The following WWC2 variants were observed in gnomAD, a reference collection of about 807,000 sequenced individuals.
WWC2 encodes protein WWC2.
WWC2 carries 101 observed loss-of-function variants against 138.5 expected under a neutral mutation model. The ratio of observed to expected loss-of-function variants is 0.73; its 90% confidence interval spans 0.62 to 0.86. The LOEUF is 0.86. WWC2 is among the 40% of genes least tolerant of loss of function. The pLI, the probability that WWC2 is intolerant of heterozygous loss-of-function variation, is 0.00. For synonymous variants in WWC2, 558 were observed against 538.4 expected, an observed-to-expected ratio of 1.04 and a Z score of -0.50; for missense variants, 1,420 against 1,419.4, an observed-to-expected ratio of 1.00 and a Z score of -0.01.
chr4:183,193,543 G>T, intron 1 of WWC2, 56 bp from the exon 2 acceptor site: 1 of 1,495,604 alleles, frequency 6.7e-7, no homozygotes, highest in South Asian at 1.2e-5. Context: ...GCTGAATTTT[G>T]ACATATGCGG....
At chr4:183,297,753 G>C (rs1405909134) in intron 21 of WWC2, among the ~76,000 whole-genome samples, 1 of 152,200 alleles carries the variant, frequency 6.6e-6, no homozygotes, top group Non-Finnish European at 1.5e-5. Context: ...AGAGGGTGCA[G>C]CCCAGGGGAG....
intron 2 of WWC2, among the ~76,000 whole-genome samples, chr4:183,195,851 C>T (rs182339057): frequency 2.0e-5 from 3 of 152,166 alleles, no homozygotes; most frequent in South Asian, 2.1e-4. Flanking sequence ...TGAGGGCACC[C>T]GAGACCCCAC....
intron 8 of WWC2, among the ~76,000 whole-genome samples, chr4:183,253,123 G>A (rs961291493): frequency 4.6e-5 from 7 of 152,042 alleles, no homozygotes; most frequent in African/African-American, 4.8e-5. Context: ...TCACATGATC[G>A]TGCTGCTTGT....
At chr4:183,126,072 C>T (rs1275918725) in intron 1 of WWC2, among the ~76,000 whole-genome samples, 1 of 152,164 alleles carries the variant, frequency 6.6e-6, no homozygotes, top group African/African-American at 2.4e-5. Flanking sequence ...GCCTTAGGAC[C>T]CTGGCTCGCC....
chr4:183,110,711 G>A (rs1292076996), intron 1 of WWC2, among the ~76,000 whole-genome samples: 2 of 152,284 alleles, frequency 1.3e-5, no homozygotes, highest in African/African-American at 4.8e-5. Flanking sequence ...TAGACATTGT[G>A]TTATGACAAT....
chr4:183,246,261 C>T (rs1736776501), intron 6 of WWC2, among the ~76,000 whole-genome samples: 1 of 152,104 alleles, frequency 6.6e-6, no homozygotes, highest in Non-Finnish European at 1.5e-5. Context: ...TCCTCTCCTT[C>T]CCTCCATCCC....
intron 21 of WWC2, among the ~76,000 whole-genome samples, chr4:183,304,177 C>G (rs754924753): frequency 6.6e-6 from 1 of 152,096 alleles, no homozygotes; most frequent in African/African-American, 2.4e-5. Flanking sequence ...GGGCAAACTA[C>G]TGCCCCCAGA....
chr4:183,111,499 T>C (rs1050646237), intron 1 of WWC2, among the ~76,000 whole-genome samples: 1 of 152,142 alleles, frequency 6.6e-6, no homozygotes, highest in Non-Finnish European at 1.5e-5. Context: ...TCTTTTTTTT[T>C]CTTTGAAACT....
chr4:183,187,365 C>T (rs1401119356), intron 1 of WWC2, among the ~76,000 whole-genome samples: 1 of 151,118 alleles, frequency 6.6e-6, no homozygotes, highest in Admixed American at 6.6e-5. Context: ...ACCCGCCTGG[C>T]CAACATGGTG....
chr4:183,221,130 T>C (rs1735924590), intron 4 of WWC2, among the ~76,000 whole-genome samples: 1 of 152,160 alleles, frequency 6.6e-6, no homozygotes, highest in African/African-American at 2.4e-5. Flanking sequence ...ATCATGAAAA[T>C]ACAAATCCGA....
At chr4:183,188,269 C>T (rs542012681) in intron 1 of WWC2, among the ~76,000 whole-genome samples, 13 of 152,150 alleles carry the variant, frequency 8.5e-5, no homozygotes, top group Admixed American at 2.0e-4. Context: ...GACAGAGTCT[C>T]GCTGTGTCGC....
chr4:183,205,357 A>G lies in WWC2; in HGVS notation c.242-2596A>G, dbSNP rs556777974. On this transcript the variant is annotated intron_variant, in intron 2 of 22. Coordinates refer to ENST00000403733, the MANE Select transcript of WWC2 (RefSeq NM_024949.6). ...CATCTGCTTACTGGCTATTTGCACA[A>G]TAGTCAGTAGATGTGCAGGTTTATT... Among the ~76,000 whole-genome samples, 13 of 152,318 alleles carry G rather than the reference A, an allele frequency of 8.5e-5. No individual in the cohort carries two copies. In the South Asian group the frequency reaches 2.7e-3, roughly 32 times the overall value.
chr4:183,196,550 C>G (rs35956792), intron 2 of WWC2, among the ~76,000 whole-genome samples: 1 of 152,226 alleles, frequency 6.6e-6, no homozygotes, highest in Non-Finnish European at 1.5e-5. Flanking sequence ...CCACATCTGT[C>G]TAAGTCTTTC....
At chr4:183,174,576 T>C (rs1734401787) in intron 1 of WWC2, among the ~76,000 whole-genome samples, 1 of 152,208 alleles carries the variant, frequency 6.6e-6, no homozygotes, top group African/African-American at 2.4e-5. Context: ...CTAGAGGGAA[T>C]GTAGGTAAGC....
intron 1 of WWC2, among the ~76,000 whole-genome samples, chr4:183,106,243 CA>C (rs1187026012): frequency 1.3e-5 from 2 of 152,062 alleles, no homozygotes; most frequent in Non-Finnish European, 2.9e-5. Flanking sequence ...CTCAGCCTCC[CA>C]AAATGCTGGG....
intron 1 of WWC2, among the ~76,000 whole-genome samples, chr4:183,182,241 G>T (rs1734652792): frequency 6.6e-6 from 1 of 152,158 alleles, no homozygotes; most frequent in Non-Finnish European, 1.5e-5. Flanking sequence ...GGTGTGCCAT[G>T]TGTCATTTCT....
chr4:183,245,224 C>CT (rs1465025095), intron 5 of WWC2, among the ~76,000 whole-genome samples, 192 bp from the exon 6 acceptor site: 1 of 93,504 alleles, frequency 1.1e-5, no homozygotes, highest in Non-Finnish European at 2.0e-5. Context: ...AAGACTCCAT[C>CT]TAAAAAAAAA....
intron 1 of WWC2, among the ~76,000 whole-genome samples, chr4:183,177,716 T>C (rs538722465): frequency 6.6e-6 from 1 of 152,334 alleles, no homozygotes; most frequent in South Asian, 2.1e-4. Context: ...TGTCTATAAA[T>C]AGTCATCTTT....
intron 20 of WWC2, among the ~76,000 whole-genome samples, chr4:183,287,954 G>A (rs538047849): frequency 6.6e-6 from 1 of 152,334 alleles, no homozygotes; most frequent in East Asian, 1.9e-4. Context: ...CTCCCAGAGA[G>A]AGCCAGTTAT....
Sources: gnomAD v4.1 joint callset for allele counts (sites outside exome capture counted in the v4.1 genomes callset) on GRCh38, gnomAD v4.1.1 for gene constraint, MANE v1.5 for transcripts, NCBI Gene and HGNC (gene_info 2026-07-23, HGNC 2026-07-21) for gene names.